The following ANKFN1 variants were observed in gnomAD, a reference collection of about 807,000 sequenced individuals.
The protein encoded by ANKFN1 is ankyrin repeat and fibronectin type-III domain-containing protein 1.
A neutral mutation model predicts 108.7 loss-of-function variants in ANKFN1; 74 were observed. The observed-to-expected ratio is 0.68, with a 90% CI of 0.56 to 0.83. The LOEUF (loss-of-function observed/expected upper bound fraction) is 0.83. Ranked by LOEUF, ANKFN1 falls within the 40% of genes least tolerant of loss-of-function variation. ANKFN1 has a pLI of 0.00. For missense variants in ANKFN1, 1,505 were observed against 1,382.3 expected (o/e 1.09, Z -1.41); for synonymous variants, 547 against 516.2 (o/e 1.06, Z -0.81).
chr17:56,109,896 A>G (rs1905862941), intron 4 of ANKFN1, among the ~76,000 whole-genome samples: 1 of 152,222 alleles, frequency 6.6e-6, no homozygotes. Context: ...TTAGAACACA[A>G]TGCAGGGCTG....
chr17:56,251,368 G>A (rs2043231087), intron 3 of ANKFN1, among the ~76,000 whole-genome samples: 1 of 152,186 alleles, frequency 6.6e-6, no homozygotes, highest in South Asian at 2.1e-4. Flanking sequence ...ACTCCAGCCT[G>A]GGCAATAGAG....
In ANKFN1 at chr17:56,416,940, T is replaced by A. The variant is rs567923367; in HGVS notation, c.911-23387T>A. ...TGGGGCTGGAGGTCATTAGGTAACA[T>A]GAAATAAGTCAGGCACAGAAAAACA... On this transcript the variant is annotated intron_variant, in intron 8 of 20. Transcript: ENST00000682825. Among the ~76,000 whole-genome samples the A allele has an allele frequency of 5.4e-4, 82 of 152,252 alleles. 1 individual carries two copies. In the South Asian group the frequency reaches 7.3e-3, roughly 13 times the overall value.
At chr17:56,055,589 G>A (rs4793800) in intron 4 of ANKFN1, among the ~76,000 whole-genome samples, 83,689 of 87,562 alleles carry the variant, frequency 0.96, 39,964 homozygotes, top group East Asian at 0.99. Flanking sequence ...ATATATATAT[G>A]TATATATACA....
At chr17:56,337,695 A>G (rs910447050) in intron 4 of ANKFN1, among the ~76,000 whole-genome samples, 8 of 152,222 alleles carry the variant, frequency 5.3e-5, no homozygotes, top group Admixed American at 1.3e-4. Context: ...CAACAGACAC[A>G]TGAAAAAATG....
intron 4 of ANKFN1, among the ~76,000 whole-genome samples, chr17:56,328,172 A>G (rs551754432): frequency 1.8e-4 from 28 of 152,352 alleles, no homozygotes; most frequent in African/African-American, 5.8e-4. Flanking sequence ...TGAAACAAAC[A>G]TGGAAGTATT....
chr17:56,435,319 CTTGCCCTAAGGAGCTT>C (rs1270539795), intron 8 of ANKFN1, among the ~76,000 whole-genome samples: 2 of 152,128 alleles, frequency 1.3e-5, no homozygotes, highest in Non-Finnish European at 2.9e-5. Context: ...AGACATGGTC[CTTGCCCTAAGGAGCTT>C]ATAGACTACA....
At chr17:56,504,852 T>C (rs1223556968) in intron 20 of ANKFN1, among the ~76,000 whole-genome samples, 1 of 119,794 alleles carries the variant, frequency 8.3e-6, no homozygotes, top group Non-Finnish European at 1.8e-5. Flanking sequence ...TTTTTTTTTT[T>C]AGTAAACACA....
chr17:56,154,821 G>A (rs1908946383), intron 1 of ANKFN1, among the ~76,000 whole-genome samples: 3 of 152,158 alleles, frequency 2.0e-5, no homozygotes, highest in Admixed American at 2.0e-4. Flanking sequence ...ACAGTGTGGG[G>A]TATGATTACC....
chr17:56,075,290 A>T (rs1905168241), intron 4 of ANKFN1, among the ~76,000 whole-genome samples: 1 of 152,222 alleles, frequency 6.6e-6, no homozygotes, highest in Non-Finnish European at 1.5e-5. Context: ...GGAACTAACG[A>T]TGCTTAACCC....
At chr17:56,402,895 G>T (rs1348714971) in intron 8 of ANKFN1, among the ~76,000 whole-genome samples, 1 of 151,960 alleles carries the variant, frequency 6.6e-6, no homozygotes, top group Non-Finnish European at 1.5e-5. Flanking sequence ...GGTTTCGGTA[G>T]GTTGTGTCAT....
At chr17:56,117,468 C>T (rs1906352203) in intron 4 of ANKFN1, among the ~76,000 whole-genome samples, 1 of 152,144 alleles carries the variant, frequency 6.6e-6, no homozygotes, top group African/African-American at 2.4e-5. Flanking sequence ...ATGGGATGGG[C>T]CACAAAAATA....
At chr17:56,473,908 T>C (rs141572605) in intron 15 of ANKFN1, among the ~76,000 whole-genome samples, 1 of 152,200 alleles carries the variant, frequency 6.6e-6, no homozygotes, top group African/African-American at 2.4e-5. Flanking sequence ...CACATTCTAT[T>C]TGTGGTCAGT....
At chr17:56,461,729 G>A (rs929587205) in intron 14 of ANKFN1, among the ~76,000 whole-genome samples, 2 of 152,128 alleles carry the variant, frequency 1.3e-5, no homozygotes, top group Non-Finnish European at 2.9e-5. Context: ...TCAGTTCAGG[G>A]AATGTGTCTG....
At chr17:56,317,724 T>C (rs1411411298) in intron 3 of ANKFN1, among the ~76,000 whole-genome samples, 1 of 152,184 alleles carries the variant, frequency 6.6e-6, no homozygotes, top group Non-Finnish European at 1.5e-5. Flanking sequence ...ACAATTTCCT[T>C]CCTGGTGTGT....
At chr17:56,252,651 G>T (rs1228488284) in intron 3 of ANKFN1, among the ~76,000 whole-genome samples, 1 of 151,620 alleles carries the variant, frequency 6.6e-6, no homozygotes, top group Non-Finnish European at 1.5e-5. Context: ...GGTGGTGCAT[G>T]CCTGTAGTCC....
intron 3 of ANKFN1, among the ~76,000 whole-genome samples, chr17:56,261,300 G>C (rs1190675567): frequency 6.6e-6 from 1 of 152,220 alleles, no homozygotes; most frequent in Non-Finnish European, 1.5e-5. Context: ...GAAACACATT[G>C]AGTTGCTAGC....
chr17:56,396,047 C>CAAA (rs201799240), intron 8 of ANKFN1, among the ~76,000 whole-genome samples: 5 of 151,858 alleles, frequency 3.3e-5, no homozygotes, highest in African/African-American at 1.2e-4. Context: ...CAAAACAAAA[C>CAAA]AAAAAAAACA....
chr17:56,446,572 G>A (rs74359130), intron 10 of ANKFN1, among the ~76,000 whole-genome samples: 7,850 of 152,130 alleles, frequency 0.052, 415 homozygotes, highest in African/African-American at 0.14. Flanking sequence ...AACATTTAAC[G>A]AGTCTGCTCT....
At chr17:56,351,352 C>A (rs1383422827) in intron 5 of ANKFN1, among the ~76,000 whole-genome samples, 1 of 151,598 alleles carries the variant, frequency 6.6e-6, no homozygotes, top group Non-Finnish European at 1.5e-5. Flanking sequence ...ACCACACATT[C>A]TTTCCAAAGG....
Sources: allele counts gnomAD v4.1 joint callset (sites outside exome capture counted in the v4.1 genomes callset), GRCh38; gene constraint gnomAD v4.1.1; transcripts MANE v1.5; gene names NCBI Gene and HGNC (gene_info 2026-07-23, HGNC 2026-07-21).